CUL9: variants seen among roughly 807,000 people sequenced by gnomAD.
CUL9 encodes cullin-9.
Under a neutral mutation model 272.6 loss-of-function variants are expected in CUL9, and 79 were observed. The observed-to-expected ratio is 0.29, with a 90% CI of 0.24 to 0.35. The LOEUF (loss-of-function observed/expected upper bound fraction) is 0.35, where lower values mean the gene tolerates loss of function less well. CUL9 is among the 10% of genes least tolerant of loss of function. The probability of loss-of-function intolerance (pLI) is 1.00; values close to 1 mark genes in which losing one functional copy is unlikely to be tolerated. For synonymous variants in CUL9, 1,186 were observed against 1,286.5 expected (o/e 0.92, Z 1.67); for missense variants, 2,532 against 3,255.6 (o/e 0.78, Z 5.41).
Position 43,187,046 on chromosome 6 carries a change from G to T in CUL9, c.1338G>T (p.Lys446Asn). 2.5e-6 allele frequency: 4 copies of T among 1,614,098 alleles called. No individual in the cohort carries two copies. Among genetic ancestry groups the T allele is most frequent in the Non-Finnish European group, 3.4e-6 (4 of 1,179,958 alleles). The change falls in exon 5 of 41, where the codon AAG (lysine) becomes AAT (asparagine). Residue 446 changes from lysine to asparagine, a missense_variant. Lys to Asn is a moderately conservative substitution (Grantham distance 94). Transcript: ENST00000252050. ...ILGPEEATED[K>N]ASAAVEKGAG... is the part of the protein sequence containing the mutation. ...GCCCTGAGGAAGCCACTGAGGATAA[G>T]GCTTCAGCAGCTGTGGAGAAGGGGG...
chr6:43,187,649 C>T, intron 6 of CUL9, 64 bp from the exon 7 acceptor site: 1 of 1,544,182 alleles, frequency 6.5e-7, no homozygotes, highest in Non-Finnish European at 8.8e-7. Context: ...TCACCCTTCC[C>T]ATTACTGACC....
intron 8 of CUL9, among the ~76,000 whole-genome samples, chr6:43,190,293 G>A (rs2150532460): frequency 7.1e-6 from 1 of 140,766 alleles, no homozygotes; most frequent in Middle Eastern, 3.8e-3. Flanking sequence ...GCATACATTT[G>A]TTCTGTTTTT....
In CUL9 at chr6:43,184,852, A is replaced by G. The variant is rs1184961451; in HGVS notation, c.542A>G (p.Gln181Arg). 3.1e-6 allele frequency: 5 copies of G among 1,607,276 alleles called. No homozygotes were observed. The African/African-American group carries it at 6.7e-5, about 21-fold the overall frequency. The change falls in exon 2 of 41, where the codon CAG becomes CGG. Residue 181 changes from glutamine (Q) to arginine (R), a missense_variant. Gln to Arg is a conservative substitution (Grantham distance 43). Coordinates refer to ENST00000252050, the MANE Select transcript of CUL9 (RefSeq NM_015089.4). The surrounding 1 kb of genome is among the most constrained non-coding windows in gnomAD (Gnocchi z 4.8). ...CACATGTTATGCAATCCTGAGCCTC[A>G]GATCCGCCGGAGTGCAGGCAAAATG... is the stretch of plus-strand genomic sequence containing the variant. The part of the protein sequence containing the change: ...LMHMLCNPEP[Q>R]IRRSAGKMLQ...
In CUL9 at chr6:43,203,460, C is replaced by T; in HGVS notation, c.3893C>T (p.Pro1298Leu). Residue 1298 changes from proline to leucine, a missense_variant, in exon 19 of 41, where the codon CCT (proline) becomes CTT (leucine). By Grantham distance (98) the Pro-to-Leu change is moderately conservative. Coordinates refer to ENST00000252050, the MANE Select transcript of CUL9 (RefSeq NM_015089.4). The surrounding 1 kb of genome is among the most constrained non-coding windows in gnomAD (Gnocchi z 5.0). ...GTTCGGGGTGTGGAGGTCCTGGGCC[C>T]TAAGCCCACATTCTGGCCACTGTTC... is the stretch of plus-strand genomic sequence containing the variant. ...TRVRGVEVLGPKPTFWPLFRE... is the reference protein window; with the variant it reads ...TRVRGVEVLGLKPTFWPLFRE... 2 of 1,614,138 alleles carry T rather than the reference C, an allele frequency of 1.2e-6. No individual in the cohort carries two copies. Among genetic ancestry groups the T allele is most frequent in the Non-Finnish European group, 1.7e-6 (2 of 1,180,024 alleles).
rs964221159 is a variant in CUL9, at chr6:43,203,701, G to A, written c.4025+109G>A. On this transcript the variant is annotated intron_variant, in intron 19 of 40. Transcript: ENST00000252050. The surrounding 1 kb of genome is among the most constrained non-coding windows in gnomAD (Gnocchi z 5.0). Reference sequence around the variant, plus strand: ...AGGGAAAGCTGCAGCCAGGACATGAGGGGGAAGGTGAACGTAGGTGAGAAG... The same window carrying A: ...AGGGAAAGCTGCAGCCAGGACATGAAGGGGAAGGTGAACGTAGGTGAGAAG... The A allele has an allele frequency of 9.2e-6, 14 of 1,515,738 alleles. No homozygotes were observed. The African/African-American group carries it at 1.5e-4, about 16-fold the overall frequency. 93.9% of individuals were successfully genotyped at this position (1,515,738 alleles called of 1,614,324 possible).
At chr6:43,191,481 A>ATTTTTTTTTTT (rs34090146) in intron 8 of CUL9, among the ~76,000 whole-genome samples, 19 of 97,474 alleles carry the variant, frequency 1.9e-4, no homozygotes, top group African/African-American at 5.1e-4. Context: ...CACCCAGCTA[A>ATTTTTTTTTTT]TTTTTTTTTT....
chr6:43,193,268 C>G (rs1454060848), intron 9 of CUL9, 60 bp downstream of exon 9: 3 of 1,515,116 alleles, frequency 2.0e-6, no homozygotes, highest in South Asian at 1.1e-5. Flanking sequence ...CTGGGGACTA[C>G]TGATCTTGAG....
At chr6:43,185,684 G>C in intron 3 of CUL9, 74 bp downstream of exon 3, 1 of 1,504,324 alleles carries the variant, frequency 6.6e-7, no homozygotes, top group South Asian at 1.3e-5. Flanking sequence ...GTTCAGGACT[G>C]AATGTTAGCA....
rs1772881169 is a variant in CUL9, at chr6:43,186,064, C to G, written c.860C>G (p.Pro287Arg). ...PELGAGDQSSPCATREKSRGQ... is the reference protein window; with the variant it reads ...PELGAGDQSSRCATREKSRGQ... ...CTGGGAGCTGGAGACCAAAGCTCCC[C>G]ATGTGCCACAAGAGAGAAAAGCCGG... The change falls in exon 4 of 41, where the codon CCA (proline) becomes CGA (arginine). Residue 287 changes from proline (P) to arginine (R), a missense_variant. This residue lies in a region of CUL9 where 2,218 missense variants were observed against 2,788.6 expected (regional missense o/e 0.80). Transcript: ENST00000252050. The G allele has an allele frequency of 6.2e-7, 1 of 1,614,100 alleles. No individual in the cohort carries two copies.
chr6:43,189,132 A>G (rs1415974087), intron 8 of CUL9, among the ~76,000 whole-genome samples: 6 of 134,254 alleles, frequency 4.5e-5, no homozygotes, highest in Non-Finnish European at 7.6e-5. Context: ...TTCTGTCCCT[A>G]CGTACTTTTT....
Position 43,186,859 on chromosome 6 carries a change from C to T in CUL9, c.1252-101C>T. ...CCAGGTGTGTATCTGAGGGTGCGCCCCAGATCTATGCTTGGGCATGTCCTT... is the reference window on the plus strand; with the variant it reads ...CCAGGTGTGTATCTGAGGGTGCGCCTCAGATCTATGCTTGGGCATGTCCTT... On this transcript the variant is annotated intron_variant, in intron 4 of 40. Transcript: ENST00000252050. 2.1e-6 allele frequency: 3 copies of T among 1,433,148 alleles called. No homozygotes were observed. In the South Asian group the frequency reaches 3.9e-5, roughly 19 times the overall value. 88.8% of individuals were successfully genotyped at this position (1,433,148 alleles called of 1,614,324 possible).
intron 16 of CUL9, among the ~76,000 whole-genome samples, chr6:43,201,388 A>G (rs1220216789): frequency 6.6e-6 from 1 of 152,236 alleles, no homozygotes; most frequent in Non-Finnish European, 1.5e-5. Flanking sequence ...TAAGGACAGC[A>G]TATGTGCAAA....
chr6:43,216,750 T>G (rs150016352), intron 31 of CUL9, among the ~76,000 whole-genome samples: 8 of 152,334 alleles, frequency 5.3e-5, no homozygotes, highest in African/African-American at 1.4e-4. Context: ...GACCTTCATA[T>G]TATAATCACT....
intron 21 of CUL9, 76 bp from the exon 22 acceptor site, chr6:43,204,669 CAGG>C: frequency 6.3e-7 from 1 of 1,582,830 alleles, no homozygotes; most frequent in South Asian, 1.1e-5. Context: ...CTGGCCTTTC[CAGG>C]AGATCACTAC....
At position 43,202,839 on chromosome 6, in the gene CUL9, C is replaced by T; in HGVS notation, c.3753+18C>T. On this transcript the variant is annotated intron_variant, in intron 17 of 40. Coordinates refer to ENST00000252050, the MANE Select transcript of CUL9 (RefSeq NM_015089.4). ...TCAACACGGTGGGGACCCTTGTGCCCACCTTCACCTTGCTCCACATCCTTC... is the reference window on the plus strand; with the variant it reads ...TCAACACGGTGGGGACCCTTGTGCCTACCTTCACCTTGCTCCACATCCTTC... The T allele has an allele frequency of 6.2e-7, 1 of 1,605,702 alleles. No individual in the cohort carries two copies. The highest frequency in any genetic ancestry group is 8.5e-7 in the Non-Finnish European group (1 of 1,172,448).
chr6:43,219,105 C>G (rs937697929), intron 31 of CUL9, among the ~76,000 whole-genome samples: 1 of 152,048 alleles, frequency 6.6e-6, no homozygotes, highest in Non-Finnish European at 1.5e-5. Context: ...GGGAGGATTG[C>G]TTGAGTCCAG....
chr6:43,193,615 C>T (rs1456451525), intron 9 of CUL9, among the ~76,000 whole-genome samples: 5 of 152,158 alleles, frequency 3.3e-5, no homozygotes, highest in South Asian at 2.1e-4. Context: ...GGCGCTATCT[C>T]GGGTCACTAC....
chr6:43,185,439 T>C lies in CUL9; in HGVS notation c.596-17T>C. The C allele has an allele frequency of 1.2e-6, 2 of 1,610,446 alleles. No individual in the cohort carries two copies. The highest frequency in any genetic ancestry group is 1.7e-6 in the Non-Finnish European group (2 of 1,178,108). On this transcript the variant is annotated splice_polypyrimidine_tract_variant and intron_variant, in intron 2 of 40. Transcript: ENST00000252050. ...CTGGGGATTGAGGAGAAGATATGGA[T>C]TGGGTATGGATTACAGGGAGTCGGG...
At chr6:43,183,664 A>T (rs1772630043) in intron 1 of CUL9, among the ~76,000 whole-genome samples, 1 of 151,850 alleles carries the variant, frequency 6.6e-6, no homozygotes, top group African/African-American at 2.4e-5. Context: ...TTTGCCTATT[A>T]CTGTTTTAAT....
Sources: gnomAD v4.1 joint callset for allele counts (sites outside exome capture counted in the v4.1 genomes callset) on GRCh38, gnomAD v4.1.1 for gene constraint, gnomAD v4.1.1 regional missense constraint, Gnocchi (gnomAD v3.1) non-coding constraint, MANE v1.5 for transcripts, NCBI Gene and HGNC (gene_info 2026-07-23, HGNC 2026-07-21) for gene names.